EPHA3: variants seen among roughly 807,000 people sequenced by gnomAD.
The protein encoded by EPHA3 is ephrin type-A receptor 3.
EPHA3 carries 42 observed loss-of-function variants against 107.1 expected under a neutral mutation model. The ratio of observed to expected loss-of-function variants is 0.39; its 90% CI spans 0.31 to 0.51. The LOEUF (loss-of-function observed/expected upper bound fraction) is 0.51. Ranked by LOEUF, EPHA3 falls within the 20% of genes least tolerant of loss-of-function variation. EPHA3 has a pLI of 0.78. For synonymous variants in EPHA3, 461 were observed against 424.8 expected (o/e 1.09, Z -1.05); for missense variants, 1,183 against 1,211.2 (o/e 0.98, Z 0.35).
In EPHA3 at chr3:89,326,610, G is replaced by T. The variant is rs547578627; in HGVS notation, c.815-14306G>T. Among the ~76,000 whole-genome samples, 4 of 151,944 alleles carry T rather than the reference G, an allele frequency of 2.6e-5. No homozygotes were observed. In the East Asian group the frequency reaches 5.9e-4, roughly 22 times the overall value. ...TCACCATGTTGCCCAGGCTGGTCTG[G>T]AACTCCAGAGCTCAAGAGATCCACC... is the stretch of plus-strand genomic sequence containing the variant. On this transcript the variant is annotated intron_variant, in intron 3 of 16. Coordinates refer to ENST00000336596, the MANE Select transcript of EPHA3 (RefSeq NM_005233.6).
chr3:89,253,259 C>A (rs1705205357), intron 3 of EPHA3, among the ~76,000 whole-genome samples: 1 of 151,990 alleles, frequency 6.6e-6, no homozygotes, highest in Non-Finnish European at 1.5e-5. Flanking sequence ...GGGATAAAAT[C>A]CCTCAAGTGC....
chr3:89,259,999 CT>C (rs2107278619), intron 3 of EPHA3, among the ~76,000 whole-genome samples: 1 of 152,286 alleles, frequency 6.6e-6, no homozygotes, highest in South Asian at 2.1e-4. Context: ...GCAGCATCTT[CT>C]TTTTCAAAGG....
chr3:89,240,863 A>G (rs1268835234), intron 3 of EPHA3, among the ~76,000 whole-genome samples: 1 of 152,154 alleles, frequency 6.6e-6, no homozygotes, highest in Non-Finnish European at 1.5e-5. Flanking sequence ...TAATTATTAT[A>G]GAGTAAACTC....
chr3:89,208,482 G>GAAAGAA lies in EPHA3; in HGVS notation c.154-1377_154-1376insAAGAAA, dbSNP rs796550208. ...AGAAAGAAAGAAAGAAAGAAAGAAA[G>GAAAGAA]AGAAAAAGAAAGGAGGGAGGGAGGG... is the stretch of plus-strand genomic sequence containing the variant. On this transcript the variant is annotated intron_variant, in intron 2 of 16. Transcript: ENST00000336596. Among the ~76,000 whole-genome samples, 101 of 127,164 alleles carry GAAAGAA rather than the reference G, an allele frequency of 7.9e-4. 1 individual carries two copies. In the Middle Eastern group the frequency reaches 0.014, roughly 18 times the overall value. 83.4% of individuals were successfully genotyped at this position (127,164 alleles called of 152,430 possible).
At chr3:89,433,962 T>C (rs1200102539) in intron 13 of EPHA3, among the ~76,000 whole-genome samples, 1 of 152,152 alleles carries the variant, frequency 6.6e-6, no homozygotes, top group Non-Finnish European at 1.5e-5. Context: ...TCTTAGGGAA[T>C]GTATTTCATT....
At chr3:89,308,481 C>A (rs1446110821) in intron 3 of EPHA3, among the ~76,000 whole-genome samples, 1 of 151,966 alleles carries the variant, frequency 6.6e-6, no homozygotes, top group East Asian at 1.9e-4. Flanking sequence ...ACATCAGGAA[C>A]CCTGGCATAG....
At chr3:89,408,183 A>C (rs372640418) in intron 9 of EPHA3, 52 bp downstream of exon 9, 2 of 1,571,614 alleles carry the variant, frequency 1.3e-6, no homozygotes, top group African/African-American at 2.7e-5. Flanking sequence ...TAGCTTTAGC[A>C]GTTATTGATT....
intron 2 of EPHA3, among the ~76,000 whole-genome samples, chr3:89,203,712 G>C (rs1398849857): frequency 1.3e-5 from 2 of 152,098 alleles, no homozygotes; most frequent in Admixed American, 6.6e-5. Flanking sequence ...GGGAGGCGCA[G>C]CTTGCAGTGA....
chr3:89,316,508 ATATATATATATAT>A (rs1706908801), intron 3 of EPHA3, among the ~76,000 whole-genome samples: 1 of 62,816 alleles, frequency 1.6e-5, no homozygotes, highest in South Asian at 3.2e-4. Context: ...TGTGTGTAAT[ATATATATATATAT>A]ATATATATAT....
chr3:89,207,243 A>G (rs1446751278), intron 2 of EPHA3, among the ~76,000 whole-genome samples: 2 of 152,178 alleles, frequency 1.3e-5, no homozygotes, highest in Non-Finnish European at 2.9e-5. Flanking sequence ...TAATAAATTA[A>G]TATTTTATTT....
intron 3 of EPHA3, among the ~76,000 whole-genome samples, chr3:89,311,650 CA>C (rs1422121417): frequency 1.3e-5 from 2 of 152,010 alleles, no homozygotes; most frequent in African/African-American, 4.8e-5. Context: ...TCCAAGCCAT[CA>C]ACTGTCTCTT....
intron 5 of EPHA3, 93 bp from the exon 6 acceptor site, chr3:89,395,744 G>T (rs1708836824): frequency 2.1e-6 from 3 of 1,442,458 alleles, no homozygotes; most frequent in Non-Finnish European, 2.9e-6. Context: ...GACTCCATTT[G>T]CATGTTCCCT....
chr3:89,440,041 T>A lies in EPHA3; in HGVS notation c.2346+8682T>A, dbSNP rs150647914. 2.0e-5 allele frequency among the ~76,000 whole-genome samples: 3 copies of A among 152,296 alleles called. No individual in the cohort carries two copies. The East Asian group carries it at 5.8e-4, about 29-fold the overall frequency. Reference sequence around the variant, plus strand: ...TTTGCTACCTAAAGGATCATTTATCTCTGATCTCTTGTGGCAATCAACATT... The same window carrying A: ...TTTGCTACCTAAAGGATCATTTATCACTGATCTCTTGTGGCAATCAACATT... On this transcript the variant is annotated intron_variant, in intron 13 of 16. Transcript: ENST00000336596.
Position 89,335,568 on chromosome 3 carries a change from AG to A in EPHA3, c.815-5346del, listed in dbSNP as rs578217428. 5.3e-5 allele frequency among the ~76,000 whole-genome samples: 8 copies of A among 152,368 alleles called. No homozygotes were observed. In the South Asian group the frequency reaches 1.7e-3, roughly 32 times the overall value. ...AACAAATACAATTCGTAGCAAATCCAGGATGATATCTAGTAAGGCTTGAGAA... is the reference window on the plus strand; with the variant it reads ...AACAAATACAATTCGTAGCAAATCCAGATGATATCTAGTAAGGCTTGAGAA... On this transcript the variant is annotated intron_variant, in intron 3 of 16. Coordinates refer to ENST00000336596, the MANE Select transcript of EPHA3 (RefSeq NM_005233.6).
intron 3 of EPHA3, among the ~76,000 whole-genome samples, chr3:89,295,749 C>A (rs1282183797): frequency 2.6e-5 from 4 of 152,022 alleles, no homozygotes. Context: ...CACCACCACA[C>A]CCGGCTAATT....
chr3:89,352,113 T>C (rs930685205), intron 5 of EPHA3, among the ~76,000 whole-genome samples: 3 of 151,162 alleles, frequency 2.0e-5, no homozygotes, highest in Admixed American at 6.6e-5. Flanking sequence ...TGCACTAATT[T>C]ATGTAAAGGA....
chr3:89,271,551 C>T (rs760922385), intron 3 of EPHA3, among the ~76,000 whole-genome samples: 1 of 151,882 alleles, frequency 6.6e-6, no homozygotes, highest in Admixed American at 6.6e-5. Context: ...GCTTTATATT[C>T]AAGTCTTCCA....
At chr3:89,170,100 A>G (rs1008694761) in intron 2 of EPHA3, among the ~76,000 whole-genome samples, 1 of 151,964 alleles carries the variant, frequency 6.6e-6, no homozygotes, top group Non-Finnish European at 1.5e-5. Flanking sequence ...TATAAAAAAA[A>G]ATTAGCCGGG....
chr3:89,211,967 C>T (rs565384897), intron 3 of EPHA3, among the ~76,000 whole-genome samples: 16 of 151,770 alleles, frequency 1.1e-4, no homozygotes, highest in South Asian at 2.1e-4. Flanking sequence ...GACTAAAGAA[C>T]GATTTAAGAA....
Sources: gnomAD v4.1 joint callset for allele counts (sites outside exome capture counted in the v4.1 genomes callset) on GRCh38, gnomAD v4.1.1 for gene constraint, MANE v1.5 for transcripts, NCBI Gene and HGNC (gene_info 2026-07-23, HGNC 2026-07-21) for gene names.